The following CDKL2 variants were observed in gnomAD, a reference collection of about 807,000 sequenced individuals.
The protein encoded by CDKL2 is cyclin dependent kinase like 2, also known as cyclin-dependent kinase-like 2.
A neutral mutation model predicts 63.9 loss-of-function variants in CDKL2; 64 were observed. The ratio of observed to expected loss-of-function variants is 1.00; its 90% CI spans 0.82 to 1.23. CDKL2 has a LOEUF of 1.23. Among genes scored for constraint, CDKL2 ranks in the 50% most tolerant of loss-of-function variants. CDKL2 has a pLI of 0.00. For missense variants in CDKL2, 656 were observed against 668.0 expected (o/e 0.98, Z 0.20); for synonymous variants, 211 against 229.2 (o/e 0.92, Z 0.72).
intron 8 of CDKL2, 96 bp from the exon 9 acceptor site, chr4:75,597,332 C>T (rs546880786): frequency 1.4e-4 from 101 of 733,368 alleles, no homozygotes; most frequent in African/African-American, 1.1e-3. Flanking sequence ...AGCAGAATAT[C>T]ATAAGTATCA....
Position 75,596,967 on chromosome 4 carries a change from C to T in CDKL2, c.1290G>A (p.Met430Ile). 6.2e-7 allele frequency: 1 copy of T among 1,614,096 alleles called. No homozygotes were observed. Among genetic ancestry groups the T allele is most frequent in the Non-Finnish European group, 8.5e-7 (1 of 1,179,950 alleles). Residue 430 changes from methionine to isoleucine, a missense_variant, in exon 9 of 14, where the codon ATG (methionine) becomes ATA (isoleucine). By Grantham distance (10) the Met-to-Ile change is conservative (BLOSUM62 1). Coordinates refer to ENST00000307465, the MANE Select transcript of CDKL2 (RefSeq NM_001330724.2). ...CCTGAATTGGTATAGTCTCAGTCCC[C>T]ATTCCAGAATTAATGCTGGGAGCAA... ...SAVAPSINSG[M>I]GTETIPIQGY...
chr4:75,579,871 T>G (rs1728185217), intron 13 of CDKL2, among the ~76,000 whole-genome samples: 5 of 152,356 alleles, frequency 3.3e-5, no homozygotes, highest in South Asian at 2.1e-4. Flanking sequence ...AAAGGACCTG[T>G]GCAAATGAAA....
At chr4:75,606,657 T>C (rs542027472) in intron 4 of CDKL2, among the ~76,000 whole-genome samples, 2 of 152,316 alleles carry the variant, frequency 1.3e-5, no homozygotes, top group South Asian at 4.1e-4. Context: ...TATAACATGG[T>C]AGCAAAATAA....
intron 6 of CDKL2, among the ~76,000 whole-genome samples, chr4:75,601,086 C>T (rs1188562039): frequency 6.6e-6 from 1 of 152,060 alleles, no homozygotes; most frequent in Non-Finnish European, 1.5e-5. Context: ...TGAAGAGAAG[C>T]TTATAAATAA....
At chr4:75,621,308 A>C (rs540038816) in intron 2 of CDKL2, among the ~76,000 whole-genome samples, 1 of 151,422 alleles carries the variant, frequency 6.6e-6, no homozygotes, top group African/African-American at 2.4e-5. Flanking sequence ...AAAAAAAAAA[A>C]AAACCCACAC....
chr4:75,604,430 G>A (rs891758462), intron 5 of CDKL2, among the ~76,000 whole-genome samples: 1 of 152,070 alleles, frequency 6.6e-6, no homozygotes, highest in Non-Finnish European at 1.5e-5. Flanking sequence ...AGAAACTATT[G>A]TACTGCTTAT....
chr4:75,615,956 T>C (rs940343385), intron 2 of CDKL2, among the ~76,000 whole-genome samples: 1 of 152,202 alleles, frequency 6.6e-6, no homozygotes, highest in African/African-American at 2.4e-5. Flanking sequence ...GCCATGATCA[T>C]GCCACTGCAC....
chr4:75,590,062 G>T (rs1057230744), intron 12 of CDKL2, among the ~76,000 whole-genome samples: 3 of 152,082 alleles, frequency 2.0e-5, no homozygotes, highest in African/African-American at 7.2e-5. Flanking sequence ...AGCTACTCAG[G>T]AAGCTGAGGT....
chr4:75,607,159 T>C, intron 4 of CDKL2, 24 bp downstream of exon 4: 1 of 1,569,860 alleles, frequency 6.4e-7, no homozygotes, highest in African/African-American at 1.4e-5. Flanking sequence ...AAAAATCTAC[T>C]CCTCCCCATT....
At position 75,577,058 on chromosome 4, in the gene CDKL2, T is replaced by C. The variant is rs1728054714; in HGVS notation, c.*2144A>G. Among the ~76,000 whole-genome samples the C allele has an allele frequency of 6.6e-6, 1 of 152,190 alleles. No individual in the cohort carries two copies. Among genetic ancestry groups the C allele is most frequent in the Non-Finnish European group, 1.5e-5 (1 of 68,024 alleles). On this transcript the variant is annotated 3_prime_UTR_variant, in exon 14 of 14. Coordinates refer to ENST00000307465, the MANE Select transcript of CDKL2 (RefSeq NM_001330724.2). Reference sequence around the variant, plus strand: ...GTTAAATACCATACAGTAGTGTATATATTATTTATAGCCTCTTAATTAAAT... The same window carrying C: ...GTTAAATACCATACAGTAGTGTATACATTATTTATAGCCTCTTAATTAAAT...
chr4:75,606,562 A>C (rs1020901991), intron 4 of CDKL2, among the ~76,000 whole-genome samples: 13 of 152,214 alleles, frequency 8.5e-5, no homozygotes, highest in African/African-American at 3.1e-4. Flanking sequence ...CAAGAACTCA[A>C]AGAATATGCA....
intron 6 of CDKL2, among the ~76,000 whole-genome samples, chr4:75,601,253 T>G (rs1320718390): frequency 1.3e-5 from 2 of 152,170 alleles, no homozygotes; most frequent in East Asian, 1.9e-4. Flanking sequence ...TTTTAAAACT[T>G]AAGGCTATTA....
intron 12 of CDKL2, 95 bp downstream of exon 12, chr4:75,591,724 C>T: frequency 1.3e-6 from 1 of 783,570 alleles, no homozygotes; most frequent in Non-Finnish European, 2.0e-6. Context: ...AATAAACCTG[C>T]ACAATTCTTA....
At chr4:75,594,316 C>T (rs963141620) in intron 10 of CDKL2, among the ~76,000 whole-genome samples, 1 of 151,898 alleles carries the variant, frequency 6.6e-6, no homozygotes, top group Non-Finnish European at 1.5e-5. Flanking sequence ...GGTGTGGTGG[C>T]AGGTGCCTGT....
At chr4:75,610,855 G>A (rs140832807) in intron 3 of CDKL2, among the ~76,000 whole-genome samples, 142 of 152,144 alleles carry the variant, frequency 9.3e-4, no homozygotes, top group African/African-American at 3.3e-3. Context: ...GTATATATCT[G>A]TGTGTTTTAT....
rs1333007050 is a variant in CDKL2 at position 75,607,914 on chromosome 4, G to A, written c.364-553C>T. 2.0e-5 allele frequency among the ~76,000 whole-genome samples: 3 copies of A among 152,124 alleles called. No individual in the cohort carries two copies. The East Asian group carries it at 5.8e-4, about 29-fold the overall frequency. On this transcript the variant is annotated intron_variant, in intron 3 of 13. Coordinates refer to ENST00000307465, the MANE Select transcript of CDKL2 (RefSeq NM_001330724.2). ...TGCAAGCTCCACCTCCCGGGTTCACGCCATTCTCCTGCCTCAGCCTCCCGA... is the reference window on the plus strand; with the variant it reads ...TGCAAGCTCCACCTCCCGGGTTCACACCATTCTCCTGCCTCAGCCTCCCGA...
intron 12 of CDKL2, among the ~76,000 whole-genome samples, chr4:75,583,007 A>G (rs1469172098): frequency 6.6e-6 from 1 of 152,226 alleles, no homozygotes; most frequent in East Asian, 1.9e-4. Flanking sequence ...AAAACTAAGA[A>G]CATTTGTCAC....
At chr4:75,620,749 G>A (rs991552665) in intron 2 of CDKL2, among the ~76,000 whole-genome samples, 10 of 152,134 alleles carry the variant, frequency 6.6e-5, no homozygotes, top group African/African-American at 4.8e-5. Context: ...CAGGCCTAAG[G>A]TAGCAGTGAT....
chr4:75,625,762 T>C, intron 2 of CDKL2, 59 bp downstream of exon 2: 1 of 1,278,010 alleles, frequency 7.8e-7, no homozygotes, highest in Non-Finnish European at 1.1e-6. Flanking sequence ...TATTTCTTCT[T>C]ATTGCCAAAA....
Sources: allele counts gnomAD v4.1 joint callset (sites outside exome capture counted in the v4.1 genomes callset), GRCh38; gene constraint gnomAD v4.1.1; transcripts MANE v1.5; gene names NCBI Gene and HGNC (gene_info 2026-07-23, HGNC 2026-07-21).